The following RB1 variants were observed in gnomAD, a reference collection of about 807,000 sequenced individuals.
RB1 encodes RB transcriptional corepressor 1.
A neutral mutation model predicts 135.4 loss-of-function variants in RB1; 18 were observed. That is an observed-to-expected ratio of 0.13 (90% confidence interval 0.09 to 0.20). The LOEUF (loss-of-function observed/expected upper bound fraction) is 0.20, where lower values mean the gene tolerates loss of function less well. RB1 is among the 10% of genes least tolerant of loss of function. RB1 has a pLI of 1.00. For missense variants in RB1, 868 were observed against 1,110.0 expected, an observed-to-expected ratio of 0.78 and a Z score of 3.10; for synonymous variants, 365 against 373.2, an observed-to-expected ratio of 0.98 and a Z score of 0.25.
At chr13:48,307,987 T>A (rs1201023851) in intron 2 of RB1, among the ~76,000 whole-genome samples, 1 of 151,884 alleles carries the variant, frequency 6.6e-6, no homozygotes, top group East Asian at 1.9e-4. Flanking sequence ...CGCCATACCT[T>A]ATAAAATAAT....
At chr13:48,377,350 T>G (rs1952838077) in intron 13 of RB1, among the ~76,000 whole-genome samples, 1 of 152,234 alleles carries the variant, frequency 6.6e-6, no homozygotes, top group African/African-American at 2.4e-5. Context: ...TGTATGACTG[T>G]TCATGTATGC....
intron 17 of RB1, among the ~76,000 whole-genome samples, chr13:48,433,026 A>G (rs1949146021): frequency 6.6e-6 from 1 of 152,126 alleles, no homozygotes; most frequent in African/African-American, 2.4e-5. Flanking sequence ...TTAGATAAGA[A>G]CTCTTTCTAC....
intron 11 of RB1, among the ~76,000 whole-genome samples, chr13:48,370,810 C>T (rs1301947988): frequency 6.6e-6 from 1 of 152,168 alleles, no homozygotes; most frequent in Non-Finnish European, 1.5e-5. Context: ...AGCTTCCCTC[C>T]CCTTCCTAGA....
intron 2 of RB1, among the ~76,000 whole-genome samples, chr13:48,334,889 ATG>A (rs1479976173): frequency 4.6e-5 from 7 of 151,080 alleles, no homozygotes; most frequent in African/African-American, 1.7e-4. Flanking sequence ...ACTGTAATGT[ATG>A]TGATTAAAAT....
intron 18 of RB1, among the ~76,000 whole-genome samples, chr13:48,454,820 T>C (rs149026441): frequency 2.0e-5 from 3 of 152,170 alleles, no homozygotes; most frequent in African/African-American, 7.2e-5. Context: ...GCAGTGGCTG[T>C]AGGGCAGATC....
chr13:48,418,078 G>A (rs572125882), intron 17 of RB1, among the ~76,000 whole-genome samples: 10 of 152,016 alleles, frequency 6.6e-5, no homozygotes, highest in Non-Finnish European at 1.3e-4. Context: ...ACACATAATC[G>A]TCAGATTCAC....
intron 17 of RB1, among the ~76,000 whole-genome samples, chr13:48,390,800 T>C (rs1204977362): frequency 1.3e-5 from 2 of 152,180 alleles, no homozygotes; most frequent in Admixed American, 1.3e-4. Context: ...CCCATTAATA[T>C]CAACATGGCA....
intron 2 of RB1, chr13:48,316,992 T>C (rs541901099): frequency 1.0e-5 from 5 of 483,978 alleles, no homozygotes; most frequent in Non-Finnish European, 1.8e-5. Context: ...CCTTCGTCAA[T>C]ACCTCAGGTC....
rs56871512 is a variant in RB1 at position 48,356,809 on chromosome 13, A to G, written c.608-3208A>G. Among the ~76,000 whole-genome samples, 1,767 of 152,094 alleles carry G rather than the reference A, an allele frequency of 0.012. 68 individuals carry two copies. The East Asian group carries it at 0.12, about 10-fold the overall frequency. On this transcript the variant is annotated intron_variant, in intron 6 of 26. Transcript: ENST00000267163. ...TGTATTTTACAATCAACAAGTTTTT[A>G]AAAATATGCTTTTTGGTTCCATGTT...
chr13:48,411,777 G>T, intron 17 of RB1: 1 of 1,611,448 alleles, frequency 6.2e-7, no homozygotes, highest in Non-Finnish European at 8.5e-7. Context: ...TCTACTTAAT[G>T]TAACAGGTTT....
At chr13:48,376,062 G>A (rs537066731) in intron 12 of RB1, among the ~76,000 whole-genome samples, 10 of 152,058 alleles carry the variant, frequency 6.6e-5, no homozygotes, top group African/African-American at 2.4e-4. Context: ...ATCTTGTGAT[G>A]TGTTTTAATT....
chr13:48,320,481 A>C (rs769244942), intron 2 of RB1: 8 of 750,956 alleles, frequency 1.1e-5, no homozygotes, highest in Non-Finnish European at 1.8e-5. Flanking sequence ...ACATTCTAGC[A>C]GAAGGGGAGG....
intron 11 of RB1, among the ~76,000 whole-genome samples, chr13:48,372,780 A>G (rs1593451424): frequency 6.6e-6 from 1 of 152,228 alleles, no homozygotes; most frequent in Non-Finnish European, 1.5e-5. Flanking sequence ...AACATTCTAC[A>G]GTTCTTTGCA....
At chr13:48,412,415 G>A (rs369056064) in intron 17 of RB1, 3 of 1,612,778 alleles carry the variant, frequency 1.9e-6, no homozygotes, top group Admixed American at 1.7e-5. Context: ...AGCTGTTAAC[G>A]CTTACCATCG....
intron 7 of RB1, among the ~76,000 whole-genome samples, chr13:48,361,745 G>A (rs114161055): frequency 1.3e-3 from 203 of 151,992 alleles, no homozygotes; most frequent in African/African-American, 4.5e-3. Context: ...TCTTTTAAAA[G>A]TTTCTCTTCC....
intron 18 of RB1, among the ~76,000 whole-genome samples, chr13:48,455,293 G>A (rs1046764588): frequency 2.6e-5 from 4 of 152,168 alleles, no homozygotes; most frequent in African/African-American, 9.7e-5. Flanking sequence ...TTCTTATTAA[G>A]TCTGAGATTC....
At chr13:48,376,884 C>T (rs1303992855) in intron 12 of RB1, 34 bp from the exon 13 acceptor site, 2 of 1,612,218 alleles carry the variant, frequency 1.2e-6, no homozygotes, top group Non-Finnish European at 1.7e-6. Flanking sequence ...TACACAGTAT[C>T]CTCGACATTG....
intron 2 of RB1, among the ~76,000 whole-genome samples, chr13:48,339,140 A>G (rs1952416047): frequency 6.6e-6 from 1 of 152,180 alleles, no homozygotes; most frequent in Non-Finnish European, 1.5e-5. Context: ...TTGAGGAGGC[A>G]GTCTGTCCAT....
At chr13:48,420,809 A>G (rs1050883528) in intron 17 of RB1, among the ~76,000 whole-genome samples, 1 of 152,178 alleles carries the variant, frequency 6.6e-6, no homozygotes, top group African/African-American at 2.4e-5. Context: ...AGAATAAAAT[A>G]CCTAGGCATA....
Sources: allele counts gnomAD v4.1 joint callset (sites outside exome capture counted in the v4.1 genomes callset), GRCh38; gene constraint gnomAD v4.1.1; transcripts MANE v1.5; gene names NCBI Gene and HGNC (gene_info 2026-07-23, HGNC 2026-07-21).